The following SFMBT2 variants were observed in gnomAD, a reference collection of about 807,000 sequenced individuals.
SFMBT2 encodes scm-like with four MBT domains protein 2.
SFMBT2 carries 38 observed loss-of-function variants against 110.1 expected under a neutral mutation model. That is an observed-to-expected ratio of 0.35 (90% CI 0.27 to 0.45). The LOEUF is 0.45. Ranked by LOEUF, SFMBT2 falls within the 20% of genes least tolerant of loss-of-function variation. The pLI, the probability that SFMBT2 is intolerant of heterozygous loss-of-function variation, is 1.00. For synonymous variants in SFMBT2, 425 were observed against 425.4 expected (o/e 1.00, Z 0.01); for missense variants, 1,011 against 1,094.9 (o/e 0.92, Z 1.08).
intron 15 of SFMBT2, among the ~76,000 whole-genome samples, chr10:7,196,669 A>G (rs1838777902): frequency 1.3e-5 from 2 of 152,222 alleles, no homozygotes; most frequent in African/African-American, 2.4e-5. Flanking sequence ...CATTTGTTCA[A>G]TGGATCAATG....
chr10:7,195,562 G>C (rs142238019), intron 15 of SFMBT2, among the ~76,000 whole-genome samples: 1 of 152,204 alleles, frequency 6.6e-6, no homozygotes, highest in Non-Finnish European at 1.5e-5. Context: ...GCCTGCAACA[G>C]ACTCTAAACA....
chr10:7,265,648 T>C (rs1841363122), intron 7 of SFMBT2, among the ~76,000 whole-genome samples: 1 of 152,236 alleles, frequency 6.6e-6, no homozygotes, highest in Admixed American at 6.5e-5. Context: ...TCCTTAGTTG[T>C]AAACTCACCA....
At chr10:7,407,034 C>T (rs1846235383) in intron 1 of SFMBT2, among the ~76,000 whole-genome samples, 1 of 152,164 alleles carries the variant, frequency 6.6e-6, no homozygotes, top group African/African-American at 2.4e-5. Context: ...CACTCTCTTG[C>T]AGGCAGGCAG....
At chr10:7,369,105 A>G (rs1844994238) in intron 3 of SFMBT2, among the ~76,000 whole-genome samples, 1 of 152,208 alleles carries the variant, frequency 6.6e-6, no homozygotes, top group Non-Finnish European at 1.5e-5. Context: ...AAGTAGGAGG[A>G]TAGCTTGAGC....
intron 4 of SFMBT2, among the ~76,000 whole-genome samples, chr10:7,347,120 C>T (rs1844142242): frequency 6.6e-6 from 1 of 152,182 alleles, no homozygotes; most frequent in South Asian, 2.1e-4. Context: ...GCCTCCCCAT[C>T]CCAGGGATTT....
At chr10:7,218,769 C>A (rs1839625054) in intron 11 of SFMBT2, among the ~76,000 whole-genome samples, 1 of 152,130 alleles carries the variant, frequency 6.6e-6, no homozygotes, top group Non-Finnish European at 1.5e-5. Flanking sequence ...GTTCATCACT[C>A]TTTTTTAAGA....
rs1837577736 is a variant in SFMBT2, at chr10:7,162,592, G to A, written c.*1178C>T. The A allele has an allele frequency of 6.6e-6, 1 of 152,210 alleles. No homozygotes were observed. Among genetic ancestry groups the A allele is most frequent in the East Asian group, 1.9e-4 (1 of 5,182 alleles). The allele number at this position is 152,210 out of a possible 1,614,324, so 9.4% of individuals were successfully genotyped here. A position where few individuals can be genotyped will look rare whatever the true frequency, so the allele number is the denominator to read the frequency against. On this transcript the variant is annotated 3_prime_UTR_variant, in exon 21 of 21. Transcript: ENST00000397167. ...TGACCTGCTGCAGTGATCCTTCTAAGGGGGACGTAGCTGGTTGATGAAATG... is the reference window on the plus strand; with the variant it reads ...TGACCTGCTGCAGTGATCCTTCTAAAGGGGACGTAGCTGGTTGATGAAATG...
chr10:7,258,017 C>T (rs896710963), intron 7 of SFMBT2, among the ~76,000 whole-genome samples: 1 of 152,172 alleles, frequency 6.6e-6, no homozygotes, highest in African/African-American at 2.4e-5. Context: ...CTGCAACCTC[C>T]GCCTCCCAGG....
intron 20 of SFMBT2, among the ~76,000 whole-genome samples, chr10:7,168,195 T>C (rs1000546954): frequency 6.6e-6 from 1 of 152,170 alleles, no homozygotes; most frequent in Admixed American, 6.5e-5. Flanking sequence ...CTTAGGAATA[T>C]AAGAAAGGAA....
intron 16 of SFMBT2, among the ~76,000 whole-genome samples, chr10:7,186,482 T>C (rs1305859701): frequency 8.6e-6 from 1 of 115,636 alleles, no homozygotes; most frequent in South Asian, 2.4e-4. Flanking sequence ...ATAAAAATAT[T>C]TTATTTGTTG....
chr10:7,181,207 C>T (rs969505793), intron 16 of SFMBT2, among the ~76,000 whole-genome samples: 4 of 150,498 alleles, frequency 2.7e-5, no homozygotes, highest in African/African-American at 7.4e-5. Flanking sequence ...CCACTGCATT[C>T]CAGCCTGGGT....
In SFMBT2 at chr10:7,320,473, A is replaced by T. The variant is rs1843152692; in HGVS notation, c.437-34519T>A. 4 of 492,180 alleles carry T rather than the reference A, an allele frequency of 8.1e-6. No individual in the cohort carries two copies. The South Asian group carries it at 3.5e-4, about 43-fold the overall frequency. 30.5% of individuals were successfully genotyped at this position (492,180 alleles called of 1,614,324 possible). A position where few individuals can be genotyped will look rare whatever the true frequency, so the allele number is the denominator to read the frequency against. On this transcript the variant is annotated intron_variant, in intron 4 of 20. Transcript: ENST00000397167. ...TTGGAAAAAATGAGCTTATCCTTTG[A>T]AATCTTCTTTCCTTCTATTTTTTTC...
intron 9 of SFMBT2, among the ~76,000 whole-genome samples, chr10:7,232,378 A>G (rs1049313892): frequency 6.6e-6 from 1 of 152,176 alleles, no homozygotes; most frequent in Non-Finnish European, 1.5e-5. Context: ...GACCCTAAAA[A>G]CTGAAAAAGG....
intron 4 of SFMBT2, among the ~76,000 whole-genome samples, chr10:7,364,770 G>A (rs1844838650): frequency 6.6e-6 from 1 of 152,192 alleles, no homozygotes; most frequent in Non-Finnish European, 1.5e-5. Flanking sequence ...TTCTCTTGAT[G>A]CCCCCAAGTG....
At chr10:7,387,871 C>A (rs1330053993) in intron 1 of SFMBT2, among the ~76,000 whole-genome samples, 1 of 151,482 alleles carries the variant, frequency 6.6e-6, no homozygotes, top group Non-Finnish European at 1.5e-5. Context: ...TTGCTTGAAC[C>A]CGGGAGGCAG....
At chr10:7,279,387 T>C (rs1841878725) in intron 6 of SFMBT2, among the ~76,000 whole-genome samples, 1 of 152,184 alleles carries the variant, frequency 6.6e-6, no homozygotes, top group Non-Finnish European at 1.5e-5. Context: ...TTCTTTCCAA[T>C]GGTGTTAAAT....
intron 4 of SFMBT2, among the ~76,000 whole-genome samples, chr10:7,310,931 C>T (rs1436201787): frequency 6.6e-6 from 1 of 151,702 alleles, no homozygotes; most frequent in Non-Finnish European, 1.5e-5. Context: ...CCTGTAATCC[C>T]AGCTACTCAG....
Position 7,202,462 on chromosome 10 carries a change from G to A in SFMBT2, c.1487+18C>T, listed in dbSNP as rs764622750. 6 of 1,614,096 alleles carry A rather than the reference G, an allele frequency of 3.7e-6. No homozygotes were observed. The highest frequency in any genetic ancestry group is 2.5e-6 in the Non-Finnish European group (3 of 1,179,974). ...TTATCGGTATACAGTGTAGTCTGGAGGGGAAAAAAGCACGTACTGTTTCTC... is the reference window on the plus strand; with the variant it reads ...TTATCGGTATACAGTGTAGTCTGGAAGGGAAAAAAGCACGTACTGTTTCTC... On this transcript the variant is annotated intron_variant, in intron 13 of 20. Transcript: ENST00000397167.
In SFMBT2 at chr10:7,291,402, G is replaced by A. The variant is rs1054646242; in HGVS notation, c.437-5448C>T. 4.6e-5 allele frequency among the ~76,000 whole-genome samples: 7 copies of A among 152,032 alleles called. No individual in the cohort carries two copies. In the East Asian group the frequency reaches 1.2e-3, roughly 25 times the overall value. ...ATTCATTCCATGGGTCACAGTTTTCGTTTGCAATGTTTCTTTCTTGCTTTT... is the reference window on the plus strand; with the variant it reads ...ATTCATTCCATGGGTCACAGTTTTCATTTGCAATGTTTCTTTCTTGCTTTT... On this transcript the variant is annotated intron_variant, in intron 4 of 20. Coordinates refer to ENST00000397167, the MANE Select transcript of SFMBT2 (RefSeq NM_001387889.1).
Sources: allele counts gnomAD v4.1 joint callset (sites outside exome capture counted in the v4.1 genomes callset), GRCh38; gene constraint gnomAD v4.1.1; transcripts MANE v1.5; gene names NCBI Gene and HGNC (gene_info 2026-07-23, HGNC 2026-07-21).